Variants in NRG3 observed in about 807,000 individuals in gnomAD.
The protein encoded by NRG3 is pro-neuregulin-3, membrane-bound isoform.
In NRG3, 31 loss-of-function variants were observed where a neutral mutation model predicts 66.9. That is an observed-to-expected ratio of 0.46 (90% CI 0.35 to 0.63). The LOEUF is 0.63. Among genes scored for constraint, NRG3 ranks in the 20% least tolerant of loss-of-function variants. NRG3 has a pLI of 0.00. For synonymous variants in NRG3, 393 were observed against 359.4 expected, an observed-to-expected ratio of 1.09 and a Z score of -1.06; for missense variants, 910 against 878.9, an observed-to-expected ratio of 1.04 and a Z score of -0.45.
At chr10:81,980,476 C>G (rs2060294083) in intron 1 of NRG3, among the ~76,000 whole-genome samples, 1 of 152,138 alleles carries the variant, frequency 6.6e-6, no homozygotes, top group Non-Finnish European at 1.5e-5. Context: ...CTACTTCCAA[C>G]ATTACTATTT....
At chr10:82,301,686 C>CTATATATATATATA (rs60882154) in intron 1 of NRG3, among the ~76,000 whole-genome samples, 2,346 of 137,454 alleles carry the variant, frequency 0.017, 30 homozygotes, top group Non-Finnish European at 0.021. Flanking sequence ...ACATATATTC[C>CTATATATATATATA]TATATATATA....
At chr10:82,654,321 G>T (rs1374722022) in intron 2 of NRG3, among the ~76,000 whole-genome samples, 1 of 152,100 alleles carries the variant, frequency 6.6e-6, no homozygotes, top group Non-Finnish European at 1.5e-5. Flanking sequence ...AGGGTTGTGT[G>T]CTCACTGACT....
At chr10:82,891,108 C>T (rs923254157) in intron 4 of NRG3, among the ~76,000 whole-genome samples, 1 of 151,638 alleles carries the variant, frequency 6.6e-6, no homozygotes, top group African/African-American at 2.4e-5. Flanking sequence ...TTATTCTTGG[C>T]AATTTGTATT....
At chr10:82,497,005 T>C (rs1240676169) in intron 2 of NRG3, among the ~76,000 whole-genome samples, 1 of 152,188 alleles carries the variant, frequency 6.6e-6, no homozygotes, top group Non-Finnish European at 1.5e-5. Context: ...AATTAAAAGT[T>C]GCTGTCTCTC....
intron 1 of NRG3, among the ~76,000 whole-genome samples, chr10:81,985,159 C>T (rs570213400): frequency 2.0e-5 from 3 of 152,290 alleles, no homozygotes; most frequent in East Asian, 1.9e-4. Context: ...AACAATCCTT[C>T]GAGACAAGTG....
At chr10:81,901,350 A>G (rs150935163) in intron 1 of NRG3, among the ~76,000 whole-genome samples, 4 of 152,350 alleles carry the variant, frequency 2.6e-5, no homozygotes, top group South Asian at 4.1e-4. Flanking sequence ...GATTTCTTAT[A>G]GGGAATTTTG....
intron 1 of NRG3, among the ~76,000 whole-genome samples, chr10:82,003,784 T>C (rs1388299437): frequency 6.6e-6 from 1 of 152,020 alleles, no homozygotes; most frequent in Admixed American, 6.6e-5. Flanking sequence ...TTTGAGAAGT[T>C]TGGCTAAGGG....
chr10:82,153,684 T>A (rs1274043224), intron 1 of NRG3, among the ~76,000 whole-genome samples: 1 of 152,080 alleles, frequency 6.6e-6, no homozygotes, highest in East Asian at 1.9e-4. Flanking sequence ...CTATCAACAG[T>A]GTACAAGGGT....
chr10:82,202,638 G>T (rs935908124), intron 1 of NRG3, among the ~76,000 whole-genome samples: 1 of 152,112 alleles, frequency 6.6e-6, no homozygotes, highest in Non-Finnish European at 1.5e-5. Context: ...CCTGTGGTCG[G>T]AATGCTCTGA....
intron 1 of NRG3, among the ~76,000 whole-genome samples, chr10:82,219,540 C>G (rs1032413966): frequency 6.6e-6 from 1 of 151,960 alleles, no homozygotes; most frequent in Admixed American, 6.6e-5. Context: ...TTTGGGCCCT[C>G]AATATATATT....
At chr10:82,261,785 G>A (rs1187192062) in intron 1 of NRG3, among the ~76,000 whole-genome samples, 10 of 152,166 alleles carry the variant, frequency 6.6e-5, no homozygotes, top group Admixed American at 5.2e-4. Flanking sequence ...GTTTAGGAAC[G>A]CCTTTAAGCA....
At chr10:82,274,148 A>T (rs2078730199) in intron 1 of NRG3, among the ~76,000 whole-genome samples, 1 of 152,090 alleles carries the variant, frequency 6.6e-6, no homozygotes, top group Non-Finnish European at 1.5e-5. Flanking sequence ...AATTAAAAAA[A>T]TCATTTCTAG....
Position 82,357,701 on chromosome 10 carries a change from CCTCCCAAA to C in NRG3, c.824-1037_824-1030del, listed in dbSNP as rs1213689645. Among the ~76,000 whole-genome samples, 9 of 152,252 alleles carry C rather than the reference CCTCCCAAA, an allele frequency of 5.9e-5. No homozygotes were observed. The South Asian group carries it at 1.7e-3, about 28-fold the overall frequency. On this transcript the variant is annotated intron_variant, in intron 1 of 8. Transcript: ENST00000372141. ...TGATGACCTTATCCATTCCTGATTACCTCCCAAAGGGCCCCATCTTCAAATATCATCAA... is the reference window on the plus strand; with the variant it reads ...TGATGACCTTATCCATTCCTGATTACGGGCCCCATCTTCAAATATCATCAA...
intron 1 of NRG3, among the ~76,000 whole-genome samples, chr10:82,021,171 A>T (rs1207237906): frequency 6.6e-6 from 1 of 151,944 alleles, no homozygotes; most frequent in Non-Finnish European, 1.5e-5. Context: ...CTGCCACCTG[A>T]CCTTTGGGTC....
chr10:82,245,433 G>A (rs1589449962), intron 1 of NRG3, among the ~76,000 whole-genome samples: 1 of 152,124 alleles, frequency 6.6e-6, no homozygotes. Flanking sequence ...GACCAATACA[G>A]GTCCATGGCC....
intron 1 of NRG3, among the ~76,000 whole-genome samples, chr10:82,157,352 T>C (rs1307495819): frequency 6.6e-6 from 1 of 151,752 alleles, no homozygotes; most frequent in Non-Finnish European, 1.5e-5. Context: ...ACAAGTCATA[T>C]TCCAGAAGGA....
Position 82,973,834 on chromosome 10 carries a change from T to C in NRG3, c.1331T>C (p.Met444Thr). 6.2e-7 allele frequency: 1 copy of C among 1,614,056 alleles called. No homozygotes were observed. ...RHPVTALEKM[M>T]ESSFVGPQSF... is the part of the protein sequence containing the mutation. ...CCTGTGACTGCATTGGAGAAAATGA[T>C]GGAGTCAAGTTTTGTCGGCCCCCAG... is the stretch of plus-strand genomic sequence containing the variant. The change falls in exon 7 of 9, where the codon ATG becomes ACG. Residue 444 changes from methionine to threonine, a missense_variant. Coordinates refer to ENST00000372141, the MANE Select transcript of NRG3 (RefSeq NM_001010848.4).
At chr10:82,483,018 G>A (rs1564974526) in intron 2 of NRG3, among the ~76,000 whole-genome samples, 1 of 152,074 alleles carries the variant, frequency 6.6e-6, no homozygotes, top group African/African-American at 2.4e-5. Flanking sequence ...TTCTTAAATG[G>A]GTTAACAAGT....
At chr10:82,868,469 C>A (rs1005529685) in intron 4 of NRG3, among the ~76,000 whole-genome samples, 1 of 151,986 alleles carries the variant, frequency 6.6e-6, no homozygotes, top group Non-Finnish European at 1.5e-5. Flanking sequence ...TAGAAATTTT[C>A]TTGGAGGGAA....
Sources: gnomAD v4.1 joint callset for allele counts (sites outside exome capture counted in the v4.1 genomes callset) on GRCh38, gnomAD v4.1.1 for gene constraint, MANE v1.5 for transcripts, NCBI Gene and HGNC (gene_info 2026-07-23, HGNC 2026-07-21) for gene names.